HUNK: variants seen among roughly 807,000 people sequenced by gnomAD.
HUNK encodes hormonally up-regulated neu tumor-associated kinase.
HUNK carries 21 observed loss-of-function variants against 61.0 expected under a neutral mutation model. That is an observed-to-expected ratio of 0.34 (90% CI 0.24 to 0.50). The LOEUF (loss-of-function observed/expected upper bound fraction) is 0.50, where lower values mean the gene tolerates loss of function less well. HUNK is among the 20% of genes least tolerant of loss of function. HUNK has a pLI of 0.98. For missense variants in HUNK, 772 were observed against 945.7 expected, an observed-to-expected ratio of 0.82 and a Z score of 2.41; for synonymous variants, 371 against 386.1, an observed-to-expected ratio of 0.96 and a Z score of 0.46.
chr21:31,946,804 G>A (rs998392836), intron 4 of HUNK, among the ~76,000 whole-genome samples: 4 of 152,136 alleles, frequency 2.6e-5, no homozygotes, highest in Non-Finnish European at 4.4e-5. Context: ...TAGTGGAGAC[G>A]AAGTTTCACC....
intron 1 of HUNK, among the ~76,000 whole-genome samples, chr21:31,880,734 G>T (rs2052300551): frequency 6.6e-6 from 1 of 152,182 alleles, no homozygotes; most frequent in Admixed American, 6.5e-5. Flanking sequence ...TCTTTTGGGG[G>T]AGCATAGTTC....
At chr21:31,959,063 G>T (rs1028423044) in intron 5 of HUNK, 93 bp downstream of exon 5, 2 of 1,240,776 alleles carry the variant, frequency 1.6e-6, no homozygotes, top group Non-Finnish European at 2.2e-6. Context: ...TGCAGTAATG[G>T]TGTTATGTCT....
intron 9 of HUNK, 98 bp from the exon 10 acceptor site, chr21:31,995,670 T>G: frequency 2.1e-6 from 2 of 946,678 alleles, no homozygotes; most frequent in Non-Finnish European, 3.3e-6. Flanking sequence ...ATTGAAAAGG[T>G]GGAGTTTCTC....
intron 8 of HUNK, among the ~76,000 whole-genome samples, chr21:31,985,034 C>T (rs1425533803): frequency 1.3e-5 from 2 of 152,084 alleles, no homozygotes; most frequent in African/African-American, 4.8e-5. Flanking sequence ...CTTAATAAAA[C>T]CATCAGATCT....
In HUNK at chr21:32,002,903, A is replaced by T. The variant is rs1399634497; in HGVS notation, c.*3719A>T. 1.3e-5 allele frequency: 2 copies of T among 152,258 alleles called. No individual in the cohort carries two copies. The highest frequency in any genetic ancestry group is 2.4e-5 in the African/African-American group (1 of 41,466). 9.4% of individuals were successfully genotyped at this position (152,258 alleles called of 1,614,324 possible). ...TAGTCGGATTCCGGGGAAAAGAACAAGTATCTAGTTTTGATGACAATGTTT... is the reference window on the plus strand; with the variant it reads ...TAGTCGGATTCCGGGGAAAAGAACATGTATCTAGTTTTGATGACAATGTTT... On this transcript the variant is annotated 3_prime_UTR_variant, in exon 11 of 11. Coordinates refer to ENST00000270112, the MANE Select transcript of HUNK (RefSeq NM_014586.2).
Position 31,892,178 on chromosome 21 carries a change from TATAG to T in HUNK, c.261+18245_261+18248del, listed in dbSNP as rs1220481825. On this transcript the variant is annotated intron_variant, in intron 1 of 10. Coordinates refer to ENST00000270112, the MANE Select transcript of HUNK (RefSeq NM_014586.2). ...AAAAAAAAAAATATATATATATATA[TATAG>T]AGAGAGAGAGAGAGAGAGAGAGAGA... Among the ~76,000 whole-genome samples the T allele has an allele frequency of 2.4e-3, 248 of 103,986 alleles. 1 individual carries two copies. Among genetic ancestry groups the T allele is most frequent in the East Asian group, 0.017 (57 of 3,400 alleles). The allele number at this position is 103,986 out of a possible 152,430, so 68.2% of individuals were successfully genotyped here.
At chr21:31,988,744 T>G (rs1328231739) in intron 8 of HUNK, among the ~76,000 whole-genome samples, 5 of 151,442 alleles carry the variant, frequency 3.3e-5, no homozygotes, top group Non-Finnish European at 7.4e-5. Flanking sequence ...TCTTCTTTCT[T>G]CCCTTTTTCC....
At chr21:31,949,034 T>C (rs2052830074) in intron 4 of HUNK, among the ~76,000 whole-genome samples, 1 of 152,224 alleles carries the variant, frequency 6.6e-6, no homozygotes, top group Non-Finnish European at 1.5e-5. Flanking sequence ...AGGACAGTCC[T>C]GTGAGACACA....
chr21:31,990,978 G>A (rs544482338), intron 9 of HUNK, among the ~76,000 whole-genome samples: 32 of 152,334 alleles, frequency 2.1e-4, no homozygotes, highest in African/African-American at 7.7e-4. Flanking sequence ...TCTCTGCCCA[G>A]GGCAGCAGGC....
chr21:31,998,914 A>G lies in HUNK; in HGVS notation c.1875A>G (p.Glu625=), dbSNP rs2053226220. The G allele has an allele frequency of 1.9e-6, 3 of 1,614,160 alleles. No homozygotes were observed. Among genetic ancestry groups the G allele is most frequent in the African/African-American group, 2.7e-5 (2 of 75,034 alleles). The change falls in exon 11 of 11, where the codon GAA becomes GAG. Residue 625 remains glutamate, a synonymous_variant. Coordinates refer to ENST00000270112, the MANE Select transcript of HUNK (RefSeq NM_014586.2). ...CAACTCTGGTCTCTTTTGCTCACGAAGATAAGAACAGCCCCCCAAAAGAGG... is the reference window on the plus strand; with the variant it reads ...CAACTCTGGTCTCTTTTGCTCACGAGGATAAGAACAGCCCCCCAAAAGAGG... The part of the protein sequence containing the change: ...LHPTLVSFAH[E]DKNSPPKEEG...
rs191867083 is a variant in HUNK at position 31,996,431 on chromosome 21, C to G, written c.1486+483C>G. 5.9e-5 allele frequency among the ~76,000 whole-genome samples: 9 copies of G among 152,222 alleles called. No homozygotes were observed. In the East Asian group the frequency reaches 1.7e-3, roughly 29 times the overall value. ...TTCACTGGATTATTTGTAAGGCCTC[C>G]CACCTGTTGGAGCTGTTGGGTAGAT... On this transcript the variant is annotated intron_variant, in intron 10 of 10. Transcript: ENST00000270112.
chr21:31,907,474 G>C (rs758567007), intron 1 of HUNK, among the ~76,000 whole-genome samples: 3 of 152,180 alleles, frequency 2.0e-5, no homozygotes, highest in Non-Finnish European at 4.4e-5. Flanking sequence ...TGGCTGAGGC[G>C]AGGATGTCTC....
rs76834263 is a variant in HUNK at position 31,999,274 on chromosome 21, C to G, written c.*90C>G. 5 of 1,203,382 alleles carry G rather than the reference C, an allele frequency of 4.2e-6. No individual in the cohort carries two copies. The highest frequency in any genetic ancestry group is 4.7e-4 in the Middle Eastern group (2 of 4,230). 74.5% of individuals were successfully genotyped at this position (1,203,382 alleles called of 1,614,324 possible). On this transcript the variant is annotated 3_prime_UTR_variant, in exon 11 of 11. Transcript: ENST00000270112. ...TCAGGGTGTGAGCACTCCAAGGCCT[C>G]GCGTGGAGCATCCTTAGTCCCACCT...
intron 5 of HUNK, among the ~76,000 whole-genome samples, chr21:31,964,924 C>T (rs11088195): frequency 0.12 from 17,712 of 152,070 alleles, 1,440 homozygotes; most frequent in Non-Finnish European, 0.18. Context: ...TTGAGGCAAC[C>T]CTGGGTTGTT....
chr21:31,966,044 A>G (rs1362407528), intron 5 of HUNK, among the ~76,000 whole-genome samples: 1 of 152,090 alleles, frequency 6.6e-6, no homozygotes, highest in African/African-American at 2.4e-5. Context: ...TGTGTAGTCT[A>G]TTATCCCCTG....
chr21:31,999,355 C>G lies in HUNK; in HGVS notation c.*171C>G. Reference sequence around the variant, plus strand: ...CAACCCAACCTCGCTTAGGGACCCCCAGAGATGCTGGAATCGCTAGGAGGG... The same window carrying G: ...CAACCCAACCTCGCTTAGGGACCCCGAGAGATGCTGGAATCGCTAGGAGGG... On this transcript the variant is annotated 3_prime_UTR_variant, in exon 11 of 11. Transcript: ENST00000270112. 1.7e-6 allele frequency: 1 copy of G among 593,246 alleles called. No homozygotes were observed. The allele number at this position is 593,246 out of a possible 1,614,324, so 36.7% of individuals were successfully genotyped here. A position where few individuals can be genotyped will look rare whatever the true frequency, so the allele number is the denominator to read the frequency against.
chr21:31,883,143 G>A (rs117085702), intron 1 of HUNK, among the ~76,000 whole-genome samples: 1 of 152,072 alleles, frequency 6.6e-6, no homozygotes, highest in East Asian at 1.9e-4. Flanking sequence ...CAAAAGGTAT[G>A]TCTATTTTAA....
chr21:31,896,192 GT>G (rs2052423608), intron 1 of HUNK, among the ~76,000 whole-genome samples: 1 of 152,178 alleles, frequency 6.6e-6, no homozygotes, highest in African/African-American at 2.4e-5. Context: ...CAGTTCTGTT[GT>G]TGGAGCTGCC....
At chr21:31,930,385 A>G (rs1250929200) in intron 2 of HUNK, among the ~76,000 whole-genome samples, 3 of 152,174 alleles carry the variant, frequency 2.0e-5, no homozygotes, top group Non-Finnish European at 4.4e-5. Flanking sequence ...CATTTTATCC[A>G]CGGGAAGCTG....
Sources: gnomAD v4.1 joint callset for allele counts (sites outside exome capture counted in the v4.1 genomes callset) on GRCh38, gnomAD v4.1.1 for gene constraint, MANE v1.5 for transcripts, NCBI Gene and HGNC (gene_info 2026-07-23, HGNC 2026-07-21) for gene names.